The following LRRC7 variants were observed in gnomAD, a reference collection of about 807,000 sequenced individuals.
LRRC7 encodes leucine rich repeat containing 7, also known as leucine-rich repeat-containing protein 7.
A neutral mutation model predicts 175.7 loss-of-function variants in LRRC7; 23 were observed. That is an observed-to-expected ratio of 0.13 (90% CI 0.09 to 0.19). LRRC7 has a LOEUF of 0.19. LRRC7 is among the 10% of genes least tolerant of loss of function. LRRC7 has a pLI of 1.00. For missense variants in LRRC7, 1,354 were observed against 1,904.7 expected (o/e 0.71, Z 5.38); for synonymous variants, 685 against 680.9 (o/e 1.01, Z -0.09).
chr1:69,666,159 T>A (rs1247893660), intron 1 of LRRC7, among the ~76,000 whole-genome samples: 5 of 152,186 alleles, frequency 3.3e-5, no homozygotes, highest in African/African-American at 1.2e-4. Context: ...CATCTGTACA[T>A]CCCTGGGATA....
chr1:69,754,861 T>C (rs1282065531), intron 2 of LRRC7, among the ~76,000 whole-genome samples: 1 of 151,992 alleles, frequency 6.6e-6, no homozygotes, highest in Non-Finnish European at 1.5e-5. Flanking sequence ...AAATGTACAG[T>C]CATCCACTTA....
intron 7 of LRRC7, among the ~76,000 whole-genome samples, chr1:69,895,930 G>A (rs1570549604): frequency 6.6e-6 from 1 of 152,212 alleles, no homozygotes. Context: ...TTGAGGAAAA[G>A]AAGCCGCAAA....
At position 70,039,421 on chromosome 1, in the gene LRRC7, T is replaced by G. The variant is rs1448523360; in HGVS notation, c.3597T>G (p.Thr1199=). 2 of 1,614,128 alleles carry G rather than the reference T, an allele frequency of 1.2e-6. No homozygotes were observed. Among genetic ancestry groups the G allele is most frequent in the Admixed American group, 3.3e-5 (2 of 60,024 alleles). The stretch of plus-strand genomic sequence containing the variant: ...ATCGCCAAAGCAGCGTTACAGTGAC[T>G]GAGTCCCAGTTCCTGAAAAGGAATG... ...GLDRQSSVTV[T]ESQFLKRNGR... Residue 1199 remains threonine, a synonymous_variant, in exon 21 of 27, where the codon ACT becomes ACG. Coordinates refer to ENST00000651989, the MANE Select transcript of LRRC7 (RefSeq NM_001370785.2).
At chr1:69,978,768 T>C (rs761488051) in intron 8 of LRRC7, among the ~76,000 whole-genome samples, 3 of 152,196 alleles carry the variant, frequency 2.0e-5, no homozygotes, top group Non-Finnish European at 4.4e-5. Context: ...TCCAATGACC[T>C]ACAATTACTA....
At chr1:70,016,555 AT>A in intron 14 of LRRC7, 21 bp downstream of exon 14, 2 of 1,521,842 alleles carry the variant, frequency 1.3e-6, no homozygotes, top group Non-Finnish European at 1.8e-6. Context: ...TTATTGCCTG[AT>A]TTATTTATTA....
chr1:70,092,425 A>G (rs1664097450), intron 25 of LRRC7, among the ~76,000 whole-genome samples: 1 of 152,136 alleles, frequency 6.6e-6, no homozygotes, highest in African/African-American at 2.4e-5. Context: ...GAAATACACT[A>G]TATTATTTTC....
intron 7 of LRRC7, among the ~76,000 whole-genome samples, chr1:69,855,445 T>C (rs1253165024): frequency 6.6e-6 from 1 of 152,146 alleles, no homozygotes; most frequent in Non-Finnish European, 1.5e-5. Context: ...TTTGAGTGAG[T>C]TTCTTAACCC....
At chr1:69,880,271 G>A (rs1258616901) in intron 7 of LRRC7, among the ~76,000 whole-genome samples, 1 of 152,204 alleles carries the variant, frequency 6.6e-6, no homozygotes, top group Non-Finnish European at 1.5e-5. Context: ...AAAGTCAAAG[G>A]AGGAGAATTA....
At chr1:69,702,454 T>G (rs1176935180) in intron 2 of LRRC7, among the ~76,000 whole-genome samples, 1 of 152,206 alleles carries the variant, frequency 6.6e-6, no homozygotes, top group Non-Finnish European at 1.5e-5. Context: ...GGTAGAACAA[T>G]CGTTCCTGCA....
intron 1 of LRRC7, among the ~76,000 whole-genome samples, chr1:69,630,009 T>C (rs1341140376): frequency 6.6e-6 from 1 of 152,250 alleles, no homozygotes; most frequent in Middle Eastern, 3.4e-3. Context: ...CATCTTGGCA[T>C]GTGCACCTAT....
chr1:69,773,600 A>AG (rs1207870785), intron 3 of LRRC7, among the ~76,000 whole-genome samples: 1 of 152,226 alleles, frequency 6.6e-6, no homozygotes, highest in Non-Finnish European at 1.5e-5. Context: ...GTTGAGAAAC[A>AG]GATATCAAAG....
chr1:69,691,400 G>A (rs1376243554), intron 2 of LRRC7, among the ~76,000 whole-genome samples: 4 of 152,110 alleles, frequency 2.6e-5, no homozygotes, highest in African/African-American at 7.2e-5. Context: ...AGGGCAAACA[G>A]ACGCATCCTA....
At chr1:69,837,446 G>T (rs936248353) in intron 6 of LRRC7, among the ~76,000 whole-genome samples, 15 of 151,938 alleles carry the variant, frequency 9.9e-5, no homozygotes, top group Middle Eastern at 3.4e-3. Flanking sequence ...ACAGATTTAT[G>T]GGTAAGGAAA....
chr1:69,948,976 C>CT lies in LRRC7; in HGVS notation c.711+17407dup, dbSNP rs1474915563. On this transcript the variant is annotated intron_variant, in intron 8 of 26. Coordinates refer to ENST00000651989, the MANE Select transcript of LRRC7 (RefSeq NM_001370785.2). ...AGAATTTTCAGCTAGTGAGATAACTCTAAGTACTAAGCCGTAACTGTCTAG... is the reference window on the plus strand; with the variant it reads ...AGAATTTTCAGCTAGTGAGATAACTCTTAAGTACTAAGCCGTAACTGTCTAG... 7.2e-5 allele frequency among the ~76,000 whole-genome samples: 11 copies of CT among 152,234 alleles called. No individual in the cohort carries two copies. The East Asian group carries it at 1.9e-3, about 27-fold the overall frequency.
chr1:70,028,124 C>T, intron 17 of LRRC7, 47 bp from the exon 18 acceptor site: 1 of 1,500,812 alleles, frequency 6.7e-7, no homozygotes, highest in Non-Finnish European at 9.2e-7. Flanking sequence ...TGTGAACATG[C>T]TTGCTGAAGT....
At chr1:69,984,114 C>T (rs771083942) in intron 9 of LRRC7, among the ~76,000 whole-genome samples, 7 of 151,856 alleles carry the variant, frequency 4.6e-5, no homozygotes, top group East Asian at 1.9e-4. Context: ...TTAGTAGAGA[C>T]GGGGTTTCAC....
chr1:70,007,216 A>G (rs778593395), intron 11 of LRRC7, among the ~76,000 whole-genome samples: 2 of 152,184 alleles, frequency 1.3e-5, no homozygotes, highest in Non-Finnish European at 2.9e-5. Flanking sequence ...GCCCTTAGCC[A>G]TAAGTCATTT....
At chr1:70,005,167 C>T (rs1160285257) in intron 11 of LRRC7, among the ~76,000 whole-genome samples, 3 of 151,962 alleles carry the variant, frequency 2.0e-5, no homozygotes, top group East Asian at 1.9e-4. Flanking sequence ...CCAATTTTAT[C>T]GGTGAGAAAA....
chr1:69,773,231 A>T (rs1672437092), intron 3 of LRRC7, among the ~76,000 whole-genome samples: 4 of 152,250 alleles, frequency 2.6e-5, no homozygotes, highest in Admixed American at 2.6e-4. Flanking sequence ...ATAGGACCAA[A>T]GTCCTGAAGG....
Sources: allele counts gnomAD v4.1 joint callset (sites outside exome capture counted in the v4.1 genomes callset), GRCh38; gene constraint gnomAD v4.1.1; transcripts MANE v1.5; gene names NCBI Gene and HGNC (gene_info 2026-07-23, HGNC 2026-07-21).